Variants in ZNRF1 observed in about 807,000 individuals in gnomAD.
The protein encoded by ZNRF1 is E3 ubiquitin-protein ligase ZNRF1.
A neutral mutation model predicts 18.4 loss-of-function variants in ZNRF1; 3 were observed. The ratio of observed to expected loss-of-function variants is 0.16; its 90% CI spans 0.07 to 0.42. ZNRF1 has a LOEUF of 0.42. ZNRF1 is among the 10% of genes least tolerant of loss of function. The pLI is 0.99. For synonymous variants in ZNRF1, 157 were observed against 144.2 expected (o/e 1.09, Z -0.64); for missense variants, 310 against 329.8 (o/e 0.94, Z 0.47).
At chr16:75,050,957 C>G (rs2035592823) in intron 1 of ZNRF1, among the ~76,000 whole-genome samples, 3 of 144,758 alleles carry the variant, frequency 2.1e-5, no homozygotes, top group African/African-American at 5.1e-5. Context: ...CTTTGGGAGG[C>G]TGAAGCAGGA....
chr16:75,021,200 C>T (rs1484638372), intron 1 of ZNRF1, among the ~76,000 whole-genome samples: 4 of 152,084 alleles, frequency 2.6e-5, no homozygotes, highest in South Asian at 2.1e-4. Context: ...GCCACCATGC[C>T]GGGCTAATTT....
chr16:75,093,452 C>T, intron 1 of ZNRF1, 120 bp from the exon 2 acceptor site: 1 of 698,692 alleles, frequency 1.4e-6, no homozygotes, highest in Non-Finnish European at 2.6e-6. Flanking sequence ...AGGGTCTGTT[C>T]TGATGGTCAT....
intron 4 of ZNRF1, 102 bp from the exon 5 acceptor site, chr16:75,107,631 G>A (rs2036333741): frequency 6.7e-6 from 3 of 447,658 alleles, no homozygotes; most frequent in Non-Finnish European, 1.3e-5. Context: ...GTCCTGTGTA[G>A]ACGCCCCAGC....
Position 75,107,745 on chromosome 16 carries a change from C to A in ZNRF1, c.*45C>A, listed in dbSNP as rs1445180841. The A allele has an allele frequency of 6.6e-6, 3 of 456,456 alleles. No homozygotes were observed. The highest frequency in any genetic ancestry group is 1.3e-5 in the Non-Finnish European group (3 of 226,782). The allele number at this position is 456,456 out of a possible 1,614,324, so 28.3% of individuals were successfully genotyped here. A position where few individuals can be genotyped will look rare whatever the true frequency, so the allele number is the denominator to read the frequency against. Reference sequence around the variant, plus strand: ...ACGGTCCACACAGGGACAGAGCGCCCCTGCTCCAGGGAGGAGGCTCACCGG... The same window carrying A: ...ACGGTCCACACAGGGACAGAGCGCCACTGCTCCAGGGAGGAGGCTCACCGG... On this transcript the variant is annotated 3_prime_UTR_variant, in exon 5 of 5. Coordinates refer to ENST00000335325, the MANE Select transcript of ZNRF1 (RefSeq NM_032268.5).
intron 1 of ZNRF1, among the ~76,000 whole-genome samples, chr16:75,055,832 T>G (rs2035660350): frequency 6.6e-6 from 1 of 152,182 alleles, no homozygotes; most frequent in Non-Finnish European, 1.5e-5. Context: ...AAAAGTAGCA[T>G]TACCTGGGAA....
intron 1 of ZNRF1, among the ~76,000 whole-genome samples, chr16:75,037,816 T>C (rs1198328015): frequency 2.0e-5 from 3 of 152,220 alleles, no homozygotes; most frequent in Non-Finnish European, 4.4e-5. Context: ...CTGATTTTAG[T>C]TAGCATGGCC....
At chr16:75,008,883 C>G (rs776872661) in intron 1 of ZNRF1, among the ~76,000 whole-genome samples, 16 of 152,052 alleles carry the variant, frequency 1.1e-4, no homozygotes, top group Non-Finnish European at 1.6e-4. Flanking sequence ...TTTCCAAAGC[C>G]CTATTTCTGG....
chr16:75,018,633 G>GT (rs1343887407), intron 1 of ZNRF1, among the ~76,000 whole-genome samples: 1 of 151,796 alleles, frequency 6.6e-6, no homozygotes, highest in Non-Finnish European at 1.5e-5. Flanking sequence ...AGTTTTCCTT[G>GT]TATTTATTCA....
intron 1 of ZNRF1, among the ~76,000 whole-genome samples, chr16:75,018,715 A>G (rs2035103056): frequency 6.6e-6 from 1 of 152,070 alleles, no homozygotes; most frequent in Non-Finnish European, 1.5e-5. Context: ...CTAATGTTAA[A>G]TTATCCTTAT....
Position 75,042,062 on chromosome 16 carries a change from T to C in ZNRF1, c.424+41967T>C, listed in dbSNP as rs1056296863. Among the ~76,000 whole-genome samples, 21 of 152,280 alleles carry C rather than the reference T, an allele frequency of 1.4e-4. 1 individual carries two copies. The highest frequency in any genetic ancestry group is 5.9e-4 in the Admixed American group (9 of 15,294). On this transcript the variant is annotated intron_variant, in intron 1 of 4. Transcript: ENST00000335325. ...GTTCACAGCAAAATTAAGAGGAAGG[T>C]CCAATGATTTTCTGTATATCCTCAT...
rs201840145 is a variant in ZNRF1 at position 75,062,945 on chromosome 16, G to GC, written c.425-30622dup. 3.4e-4 allele frequency among the ~76,000 whole-genome samples: 52 copies of GC among 152,290 alleles called. No homozygotes were observed. The East Asian group carries it at 0.01, about 29-fold the overall frequency. On this transcript the variant is annotated intron_variant, in intron 1 of 4. Transcript: ENST00000335325. ...CTCCTTTTGCTCACCTGGAGATAGT[G>GC]CCCCCTTTCTTCAGGGTGGAAGAAC... is the stretch of plus-strand genomic sequence containing the variant.
At position 75,000,005 on chromosome 16, in the gene ZNRF1, A is replaced by G. The variant is rs1377845943; in HGVS notation, c.334A>G (p.Arg112Gly). Reference sequence around the variant, plus strand: ...CCAGGAGACGGGCGGCGGTCACCATAGAGACGGGATGCTGTACCTGGGCTC... The same window carrying G: ...CCAGGAGACGGGCGGCGGTCACCATGGAGACGGGATGCTGTACCTGGGCTC... ...GYQETGGGHHRDGMLYLGSRA... is the reference protein window; with the variant it reads ...GYQETGGGHHGDGMLYLGSRA... Residue 112 changes from arginine to glycine, a missense_variant, in exon 1 of 5, where the codon AGA becomes GGA. Arg to Gly is a moderately radical substitution (Grantham distance 125, BLOSUM62 -2). This residue lies in a region of ZNRF1 where 293 missense variants were observed against 291.2 expected (regional missense o/e 1.01). Transcript: ENST00000335325. 1.9e-6 allele frequency: 3 copies of G among 1,589,764 alleles called. No individual in the cohort carries two copies. In the Admixed American group the frequency reaches 5.4e-5, roughly 28 times the overall value.
chr16:75,030,875 C>T (rs1417322080), intron 1 of ZNRF1, among the ~76,000 whole-genome samples: 1 of 123,444 alleles, frequency 8.1e-6, no homozygotes, highest in African/African-American at 3.0e-5. Flanking sequence ...GAGCCTCGCT[C>T]TGTCACCCAG....
At chr16:75,044,363 C>A (rs552021411) in intron 1 of ZNRF1, among the ~76,000 whole-genome samples, 1 of 150,884 alleles carries the variant, frequency 6.6e-6, no homozygotes, top group South Asian at 2.1e-4. Flanking sequence ...GGACTATAGG[C>A]ATACAGGCAT....
At chr16:75,088,144 C>T (rs2036095203) in intron 1 of ZNRF1, among the ~76,000 whole-genome samples, 1 of 152,208 alleles carries the variant, frequency 6.6e-6, no homozygotes, top group South Asian at 2.1e-4. Context: ...GATGTTTTAA[C>T]CTTCAGGTAG....
rs2034811245 is a variant in ZNRF1 at position 74,999,704 on chromosome 16, C to T, written c.33C>T (p.Ser11=). Residue 11 remains serine (S), a synonymous_variant, in exon 1 of 5, where the codon TCC becomes TCT. Transcript: ENST00000335325. ...GCAAGCAGAGCACGGCGGCCCGCTCCCGGGGCCCCTTCCCGGGGGTCTCCA... is the reference window on the plus strand; with the variant it reads ...GCAAGCAGAGCACGGCGGCCCGCTCTCGGGGCCCCTTCCCGGGGGTCTCCA... MGGKQSTAAR[S]RGPFPGVSTD... is the part of the protein sequence containing the mutation. The T allele has an allele frequency of 2.2e-6, 3 of 1,364,406 alleles. No individual in the cohort carries two copies. The East Asian group carries it at 9.1e-5, about 41-fold the overall frequency. 84.5% of individuals were successfully genotyped at this position (1,364,406 alleles called of 1,614,324 possible). A position where few individuals can be genotyped will look rare whatever the true frequency, so the allele number is the denominator to read the frequency against.
intron 1 of ZNRF1, among the ~76,000 whole-genome samples, chr16:75,050,903 A>AAAAC (rs1567478938): frequency 1.7e-4 from 23 of 132,552 alleles, no homozygotes; most frequent in African/African-American, 6.1e-4. Context: ...AAAAAACAAA[A>AAAAC]AACTTGTAGC....
intron 1 of ZNRF1, among the ~76,000 whole-genome samples, chr16:75,049,804 A>C (rs2035567545): frequency 6.6e-6 from 1 of 151,726 alleles, no homozygotes; most frequent in Non-Finnish European, 1.5e-5. Context: ...AGTACCATCC[A>C]TAGACCATAT....
intron 2 of ZNRF1, among the ~76,000 whole-genome samples, chr16:75,099,459 G>A (rs1174355857): frequency 6.6e-6 from 1 of 152,152 alleles, no homozygotes; most frequent in African/African-American, 2.4e-5. Flanking sequence ...CGCCATTCTG[G>A]TTTGGTTCCC....
Sources: allele counts gnomAD v4.1 joint callset (sites outside exome capture counted in the v4.1 genomes callset), GRCh38; gene constraint gnomAD v4.1.1; regional missense constraint gnomAD v4.1.1; transcripts MANE v1.5; gene names NCBI Gene and HGNC (gene_info 2026-07-23, HGNC 2026-07-21).